Variants in RYR2 observed in about 807,000 individuals in gnomAD.
RYR2 encodes ryanodine receptor 2, also known as cardiac muscle ryanodine receptor-calcium release channel.
A neutral mutation model predicts 601.1 loss-of-function variants in RYR2; 227 were observed. That is an observed-to-expected ratio of 0.38 (90% confidence interval 0.34 to 0.42). The LOEUF is 0.42. Ranked by LOEUF, RYR2 falls within the 10% of genes least tolerant of loss-of-function variation. RYR2 has a pLI of 1.00. For synonymous variants in RYR2, 2,223 were observed against 2,175.1 expected (o/e 1.02, Z -0.61); for missense variants, 4,646 against 6,156.5 (o/e 0.75, Z 8.21).
chr1:237,444,821 G>T (rs566129481), intron 13 of RYR2, among the ~76,000 whole-genome samples: 5 of 152,220 alleles, frequency 3.3e-5, no homozygotes, highest in African/African-American at 1.2e-4. Flanking sequence ...CAAAAGAAAA[G>T]AAATATATGT....
intron 35 of RYR2, among the ~76,000 whole-genome samples, chr1:237,607,791 T>G (rs12410114): frequency 1.3e-5 from 2 of 151,922 alleles, no homozygotes; most frequent in Non-Finnish European, 2.9e-5. Flanking sequence ...CAGGCACACA[T>G]TGGAGTGAAT....
intron 1 of RYR2, among the ~76,000 whole-genome samples, chr1:237,152,804 A>G (rs1455720763): frequency 6.6e-6 from 1 of 152,220 alleles, no homozygotes; most frequent in South Asian, 2.1e-4. Flanking sequence ...GAAATTGACA[A>G]ATGGGATCTC....
chr1:237,671,520 C>CAT (rs558272548), intron 58 of RYR2, among the ~76,000 whole-genome samples: 1 of 140,604 alleles, frequency 7.1e-6, no homozygotes, highest in African/African-American at 2.7e-5. Context: ...TGTGTGTGTG[C>CAT]GTGTGTGTGT....
At chr1:237,094,393 C>T (rs1398672028) in intron 1 of RYR2, among the ~76,000 whole-genome samples, 1 of 152,118 alleles carries the variant, frequency 6.6e-6, no homozygotes, top group East Asian at 1.9e-4. Flanking sequence ...TAATGAAATC[C>T]TTATAAGCAA....
At chr1:237,628,958 G>C (rs1679970976) in intron 41 of RYR2, among the ~76,000 whole-genome samples, 1 of 152,008 alleles carries the variant, frequency 6.6e-6, no homozygotes, top group African/African-American at 2.4e-5. Context: ...GTGGATTTGG[G>C]GGTTAAAGTT....
chr1:237,337,637 A>G (rs994223478), intron 3 of RYR2, among the ~76,000 whole-genome samples: 1 of 152,068 alleles, frequency 6.6e-6, no homozygotes, highest in Non-Finnish European at 1.5e-5. Flanking sequence ...AGTGTGTAGA[A>G]CAATCGTGGC....
At chr1:237,645,882 C>CTT (rs1374999306) in intron 48 of RYR2, among the ~76,000 whole-genome samples, 8 of 136,226 alleles carry the variant, frequency 5.9e-5, no homozygotes, top group Non-Finnish European at 8.0e-5. Context: ...TTTTTTTTTG[C>CTT]TTTTTTTTTT....
intron 1 of RYR2, among the ~76,000 whole-genome samples, chr1:237,199,911 G>A (rs1414487002): frequency 6.6e-6 from 1 of 152,020 alleles, no homozygotes; most frequent in Non-Finnish European, 1.5e-5. Flanking sequence ...TCCAAATTGT[G>A]CCAATTTGAA....
chr1:237,673,977 C>A, intron 58 of RYR2, 119 bp from the exon 59 acceptor site: 1 of 710,120 alleles, frequency 1.4e-6, no homozygotes, highest in Non-Finnish European at 2.4e-6. Flanking sequence ...GTCTTATATG[C>A]TCTATGTATT....
chr1:237,679,761 G>T (rs1422644905), intron 61 of RYR2, among the ~76,000 whole-genome samples: 3 of 152,198 alleles, frequency 2.0e-5, no homozygotes, highest in African/African-American at 7.2e-5. Flanking sequence ...GATCAGCAAA[G>T]ACTTAGCCGG....
At chr1:237,264,412 C>A (rs181872387) in intron 1 of RYR2, among the ~76,000 whole-genome samples, 1 of 152,210 alleles carries the variant, frequency 6.6e-6, no homozygotes, top group African/African-American at 2.4e-5. Flanking sequence ...CTTATTTGGC[C>A]AATCCTCAGT....
chr1:237,757,677 T>G lies in RYR2; in HGVS notation c.11246-20T>G, dbSNP rs1368723980. The G allele has an allele frequency of 1.3e-6, 2 of 1,524,944 alleles. No homozygotes were observed. The highest frequency in any genetic ancestry group is 2.3e-5 in the East Asian group (1 of 44,402). The allele number at this position is 1,524,944 out of a possible 1,614,324, so 94.5% of individuals were successfully genotyped here. The stretch of plus-strand genomic sequence containing the variant: ...GAAGGCGAAATGATATAAGGAACAC[T>G]ACTTTTTTATATTTCTTAGGTGAAA... On this transcript the variant is annotated intron_variant, in intron 81 of 104. Transcript: ENST00000366574.
At chr1:237,092,514 CTT>C (rs11324799) in intron 1 of RYR2, among the ~76,000 whole-genome samples, 1,565 of 127,984 alleles carry the variant, frequency 0.012, 13 homozygotes, top group Middle Eastern at 0.027. Context: ...CACAGATAGT[CTT>C]TTTTTTTTTT....
At chr1:237,466,297 C>T (rs962328412) in intron 16 of RYR2, among the ~76,000 whole-genome samples, 1 of 152,072 alleles carries the variant, frequency 6.6e-6, no homozygotes, top group Non-Finnish European at 1.5e-5. Context: ...TCTGAAGTAG[C>T]TGGGACCACA....
chr1:237,240,120 G>T (rs780066251), intron 1 of RYR2, among the ~76,000 whole-genome samples: 1 of 152,176 alleles, frequency 6.6e-6, no homozygotes, highest in Non-Finnish European at 1.5e-5. Flanking sequence ...GAGCAAAAAA[G>T]TATTTGAATT....
intron 2 of RYR2, among the ~76,000 whole-genome samples, chr1:237,287,007 G>C (rs905955955): frequency 1.3e-5 from 2 of 152,130 alleles, no homozygotes; most frequent in Non-Finnish European, 2.9e-5. Context: ...TTCTTGTAGT[G>C]GTGGCTTGGT....
chr1:237,787,578 C>T (rs1000400583), intron 91 of RYR2, among the ~76,000 whole-genome samples: 14 of 126,184 alleles, frequency 1.1e-4, no homozygotes, highest in East Asian at 2.3e-4. Context: ...GGTGACAGAG[C>T]GAGACTCTGT....
chr1:237,223,677 A>G (rs1182718462), intron 1 of RYR2, among the ~76,000 whole-genome samples: 1 of 152,218 alleles, frequency 6.6e-6, no homozygotes, highest in African/African-American at 2.4e-5. Flanking sequence ...TGGGCAAAGG[A>G]TGTGTGACTT....
At chr1:237,451,346 C>T (rs1308729448) in intron 14 of RYR2, among the ~76,000 whole-genome samples, 1 of 151,936 alleles carries the variant, frequency 6.6e-6, no homozygotes, top group Non-Finnish European at 1.5e-5. Flanking sequence ...CTGAAGCCGG[C>T]ACATCACTTG....
Sources: gnomAD v4.1 joint callset for allele counts (sites outside exome capture counted in the v4.1 genomes callset) on GRCh38, gnomAD v4.1.1 for gene constraint, MANE v1.5 for transcripts, NCBI Gene and HGNC (gene_info 2026-07-23, HGNC 2026-07-21) for gene names.